The following PRDM12 variants were observed in gnomAD, a reference collection of about 807,000 sequenced individuals.
PRDM12 encodes PR/SET domain 12, also known as PR domain zinc finger protein 12.
In PRDM12, 17 loss-of-function variants were observed where a neutral mutation model predicts 29.6. That is an observed-to-expected ratio of 0.57 (90% CI 0.39 to 0.86). The LOEUF (loss-of-function observed/expected upper bound fraction) is 0.86, where lower values mean the gene tolerates loss of function less well. Among genes scored for constraint, PRDM12 ranks in the 40% least tolerant of loss-of-function variants. PRDM12 has a pLI of 0.00. For missense variants in PRDM12, 422 were observed against 510.8 expected, an observed-to-expected ratio of 0.83 and a Z score of 1.68; for synonymous variants, 231 against 225.8, an observed-to-expected ratio of 1.02 and a Z score of -0.21.
At chr9:130,680,647 ATATATATATATATT>A (rs1270547393) in intron 4 of PRDM12, among the ~76,000 whole-genome samples, 89 of 78,876 alleles carry the variant, frequency 1.1e-3, no homozygotes, top group Admixed American at 1.5e-3. Context: ...ATATATATAT[ATATATATATATATT>A]TTTTTTTTTT....
intron 3 of PRDM12, among the ~76,000 whole-genome samples, chr9:130,670,834 C>G (rs1446631301): frequency 6.6e-6 from 1 of 152,172 alleles, no homozygotes; most frequent in Non-Finnish European, 1.5e-5. Flanking sequence ...ATCATTTTGG[C>G]AAGAGGGCTC....
Position 130,668,208 on chromosome 9 carries a change from G to T in PRDM12, c.465G>T (p.Glu155Asp). 6.2e-7 allele frequency: 1 copy of T among 1,614,136 alleles called. No individual in the cohort carries two copies. The change falls in exon 3 of 5, where the codon GAG (glutamate) becomes GAT (aspartate). Residue 155 changes from glutamate (E) to aspartate (D), a missense_variant. Glu to Asp is a conservative substitution (Grantham distance 45, BLOSUM62 2). Transcript: ENST00000253008. The surrounding 1 kb of genome is among the most constrained non-coding windows in gnomAD (Gnocchi z 4.0). ...GCTACTTCATCGATGCCAGCCAGGA[G>T]GACCACCGGAGCTGGATGACCTACA... Reference protein sequence around the residue: ...TVRYFIDASQEDHRSWMTYIK... With the variant: ...TVRYFIDASQDDHRSWMTYIK...
Position 130,664,829 on chromosome 9 carries a change from C to T in PRDM12, c.176C>T (p.Pro59Leu). The T allele has an allele frequency of 1.3e-6, 2 of 1,556,558 alleles. No individual in the cohort carries two copies. Among genetic ancestry groups the T allele is most frequent in the South Asian group, 2.3e-5 (2 of 85,110 alleles). Residue 59 changes from proline to leucine, a missense_variant, in exon 1 of 5, where the codon CCC becomes CTC. By Grantham distance (98) the Pro-to-Leu change is moderately conservative. This residue lies in a region of PRDM12 where 300 missense variants were observed against 350.0 expected (regional missense o/e 0.86). Transcript: ENST00000253008. This position sits in a 1 kb window ranked among gnomAD's most constrained non-coding sequence, Gnocchi z 6.4. Reference sequence around the variant, plus strand: ...GAGGACAAGAGCCACCACGCCAGCCCCAAGACAGCCTTCACCGCCGAGGTG... The same window carrying T: ...GAGGACAAGAGCCACCACGCCAGCCTCAAGACAGCCTTCACCGCCGAGGTG... The part of the protein sequence containing the change: ...LFEDKSHHAS[P>L]KTAFTAEVLA...
chr9:130,669,350 A>AAT (rs1470824857), intron 3 of PRDM12, among the ~76,000 whole-genome samples: 24 of 151,180 alleles, frequency 1.6e-4, no homozygotes, highest in African/African-American at 5.6e-4. Context: ...TAAATAAATA[A>AAT]AAATAAAAAT....
At chr9:130,665,003 C>G (rs1830718376) in intron 1 of PRDM12, 127 bp downstream of exon 1, 3 of 987,592 alleles carry the variant, frequency 3.0e-6, no homozygotes, top group Non-Finnish European at 4.4e-6. Flanking sequence ...TGGGCTCTCC[C>G]GGCGCTCGGT....
chr9:130,672,979 T>G (rs1176846072), intron 3 of PRDM12, among the ~76,000 whole-genome samples: 1 of 152,232 alleles, frequency 6.6e-6, no homozygotes, highest in East Asian at 1.9e-4. Context: ...GGCATGTCCA[T>G]TTGTCAAAAG....
At chr9:130,676,470 T>C (rs570301265) in intron 3 of PRDM12, among the ~76,000 whole-genome samples, 2 of 152,142 alleles carry the variant, frequency 1.3e-5, no homozygotes, top group Admixed American at 1.3e-4. Context: ...CACTCCAGCC[T>C]GGGCGACAGC....
intron 3 of PRDM12, among the ~76,000 whole-genome samples, chr9:130,669,002 AGAG>A (rs1229591690): frequency 6.6e-6 from 1 of 152,158 alleles, no homozygotes; most frequent in Non-Finnish European, 1.5e-5. Flanking sequence ...GAGCCTTCTC[AGAG>A]GAGACAGACA....
At chr9:130,670,215 T>A (rs1463863030) in intron 3 of PRDM12, among the ~76,000 whole-genome samples, 6 of 152,068 alleles carry the variant, frequency 3.9e-5, no homozygotes, top group Non-Finnish European at 2.9e-5. Context: ...GTGGAGATTT[T>A]TGGGTGTTCT....
At chr9:130,669,597 C>T (rs1333145485) in intron 3 of PRDM12, among the ~76,000 whole-genome samples, 1 of 150,152 alleles carries the variant, frequency 6.7e-6, no homozygotes, top group African/African-American at 2.5e-5. Context: ...GGGCAGATCA[C>T]GAGGCCAGGA....
chr9:130,671,341 T>TCAACAACAA (rs111668015), intron 3 of PRDM12, among the ~76,000 whole-genome samples: 5 of 148,202 alleles, frequency 3.4e-5, no homozygotes, highest in African/African-American at 7.5e-5. Context: ...AGACTCCGTC[T>TCAACAACAA]CAACAACAAC....
At chr9:130,667,510 C>G (rs1328532482) in intron 2 of PRDM12, among the ~76,000 whole-genome samples, 1 of 144,190 alleles carries the variant, frequency 6.9e-6, no homozygotes, top group Non-Finnish European at 1.5e-5. Context: ...AACTCATTCC[C>G]TCGCCCGCTC....
chr9:130,669,532 A>C (rs1046274543), intron 3 of PRDM12, among the ~76,000 whole-genome samples: 1 of 146,890 alleles, frequency 6.8e-6, no homozygotes, highest in Non-Finnish European at 1.5e-5. Context: ...CAAAAAAAAA[A>C]AGGCTTGGCA....
In PRDM12 at chr9:130,664,624, C is replaced by T. The variant is rs774207400; in HGVS notation, c.-30C>T. The T allele has an allele frequency of 6.7e-7, 1 of 1,485,830 alleles. No homozygotes were observed. Among genetic ancestry groups the T allele is most frequent in the Non-Finnish European group, 9.0e-7 (1 of 1,116,002 alleles). 92.0% of individuals were successfully genotyped at this position (1,485,830 alleles called of 1,614,324 possible). A position where few individuals can be genotyped will look rare whatever the true frequency, so the allele number is the denominator to read the frequency against. ...CCACCTCCCCCGTCGGCCCGGCCGT[C>T]CCCCGGCGCCGGGGAGCTCCGGGCC... On this transcript the variant is annotated 5_prime_UTR_variant, in exon 1 of 5. Coordinates refer to ENST00000253008, the MANE Select transcript of PRDM12 (RefSeq NM_021619.3). This position sits in a 1 kb window ranked among gnomAD's most constrained non-coding sequence, Gnocchi z 6.4.
intron 3 of PRDM12, among the ~76,000 whole-genome samples, chr9:130,672,011 C>G (rs1830793482): frequency 6.6e-6 from 1 of 152,198 alleles, no homozygotes; most frequent in Non-Finnish European, 1.5e-5. Context: ...CCCAGGCGGT[C>G]AGTGGAGGTT....
chr9:130,674,532 G>A (rs958181903), intron 3 of PRDM12, among the ~76,000 whole-genome samples: 1 of 144,676 alleles, frequency 6.9e-6, no homozygotes. Context: ...GTGTGTGTGT[G>A]TATAGAAGTA....
chr9:130,669,350 AAAATAAAAATAC>A (rs1370318859), intron 3 of PRDM12, among the ~76,000 whole-genome samples: 2 of 151,180 alleles, frequency 1.3e-5, no homozygotes, highest in African/African-American at 4.9e-5. Context: ...TAAATAAATA[AAAATAAAAATAC>A]AAATACAAAA....
chr9:130,676,958 G>A (rs887958823), intron 3 of PRDM12, among the ~76,000 whole-genome samples: 1 of 151,974 alleles, frequency 6.6e-6, no homozygotes, highest in Non-Finnish European at 1.5e-5. Flanking sequence ...ACCCAGACTG[G>A]AGTGGTCACC....
At chr9:130,672,202 T>A (rs1043515089) in intron 3 of PRDM12, among the ~76,000 whole-genome samples, 2 of 152,152 alleles carry the variant, frequency 1.3e-5, no homozygotes, top group African/African-American at 2.4e-5. Flanking sequence ...TAGCAACTTT[T>A]TTATTATTAT....
Sources: allele counts gnomAD v4.1 joint callset (sites outside exome capture counted in the v4.1 genomes callset), GRCh38; gene constraint gnomAD v4.1.1; regional missense constraint gnomAD v4.1.1; non-coding constraint Gnocchi (gnomAD v3.1); transcripts MANE v1.5; gene names NCBI Gene and HGNC (gene_info 2026-07-23, HGNC 2026-07-21).